ENPP2: variants seen among roughly 807,000 people sequenced by gnomAD.
ENPP2 encodes autotaxin.
Under a neutral mutation model 120.2 loss-of-function variants are expected in ENPP2, and 51 were observed. The observed-to-expected ratio is 0.42, with a 90% CI of 0.34 to 0.54. The LOEUF (loss-of-function observed/expected upper bound fraction) is 0.54. ENPP2 is among the 20% of genes least tolerant of loss of function. The pLI is 0.04. For synonymous variants in ENPP2, 365 were observed against 366.4 expected, an observed-to-expected ratio of 1.00 and a Z score of 0.04; for missense variants, 920 against 1,066.5, an observed-to-expected ratio of 0.86 and a Z score of 1.91.
At chr8:119,622,010 C>A (rs1035115687) in intron 3 of ENPP2, among the ~76,000 whole-genome samples, 8 of 152,122 alleles carry the variant, frequency 5.3e-5, no homozygotes, top group African/African-American at 1.9e-4. Context: ...CTCACTGTAA[C>A]CTCCGCCTCC....
At chr8:119,585,605 A>G (rs1158181913) in intron 15 of ENPP2, among the ~76,000 whole-genome samples, 3 of 152,298 alleles carry the variant, frequency 2.0e-5, no homozygotes, top group East Asian at 1.9e-4. Context: ...TAATTAACTC[A>G]TTGGAAGTTG....
chr8:119,617,989 T>C (rs1161996050), intron 5 of ENPP2, among the ~76,000 whole-genome samples: 2 of 152,164 alleles, frequency 1.3e-5, no homozygotes, highest in African/African-American at 4.8e-5. Context: ...AACATATTCA[T>C]TTAACCATTT....
chr8:119,562,769 A>T, intron 24 of ENPP2, 88 bp downstream of exon 24: 1 of 1,261,614 alleles, frequency 7.9e-7, no homozygotes, highest in Non-Finnish European at 1.1e-6. Context: ...TATAATAAGT[A>T]TGTTCTAGTT....
chr8:119,578,952 G>A (rs1418060592), intron 19 of ENPP2, among the ~76,000 whole-genome samples: 1 of 152,188 alleles, frequency 6.6e-6, no homozygotes, highest in African/African-American at 2.4e-5. Context: ...GAGCATATAT[G>A]ATAAACAGAA....
intron 24 of ENPP2, among the ~76,000 whole-genome samples, chr8:119,561,290 T>C (rs953090542): frequency 1.3e-5 from 2 of 152,190 alleles, no homozygotes; most frequent in Admixed American, 6.5e-5. Flanking sequence ...TGCCTTTCAG[T>C]GTTGCAATTT....
intron 1 of ENPP2, among the ~76,000 whole-genome samples, chr8:119,667,950 G>A (rs924955942): frequency 6.6e-6 from 1 of 152,068 alleles, no homozygotes; most frequent in African/African-American, 2.4e-5. Context: ...GCTCACTGAA[G>A]GTACTGACAC....
At chr8:119,618,383 G>T in intron 5 of ENPP2, 3 of 467,254 alleles carry the variant, frequency 6.4e-6, no homozygotes, top group South Asian at 4.5e-5. Flanking sequence ...ATGGAGATTT[G>T]ACCCAGCCAC....
intron 24 of ENPP2, 90 bp downstream of exon 24, chr8:119,562,766 AG>A: frequency 8.1e-7 from 1 of 1,228,632 alleles, no homozygotes; most frequent in East Asian, 2.4e-5. Context: ...CTTTATAATA[AG>A]TATGTTCTAG....
upstream of ENPP2, among the ~76,000 whole-genome samples, chr8:119,642,261 C>G (rs1817305943): frequency 6.6e-6 from 1 of 152,108 alleles, no homozygotes; most frequent in Non-Finnish European, 1.5e-5. Context: ...TTAAATCACT[C>G]TAGTAAATTT....
At chr8:119,647,466 C>T (rs1341260949) in intron 1 of ENPP2, among the ~76,000 whole-genome samples, 2 of 152,144 alleles carry the variant, frequency 1.3e-5, no homozygotes, top group African/African-American at 4.8e-5. Context: ...TGTAGTACTT[C>T]CTCTGTTATT....
intron 8 of ENPP2, among the ~76,000 whole-genome samples, chr8:119,614,700 G>C (rs1815343558): frequency 6.6e-6 from 1 of 152,110 alleles, no homozygotes; most frequent in Non-Finnish European, 1.5e-5. Context: ...AATCCTTTAA[G>C]GTTCTTCAGG....
chr8:119,577,236 T>C (rs1053683739), intron 19 of ENPP2, among the ~76,000 whole-genome samples: 10 of 152,236 alleles, frequency 6.6e-5, no homozygotes, highest in African/African-American at 2.2e-4. Context: ...TATAGAAGTT[T>C]AGGTTTACAA....
At chr8:119,572,071 T>A (rs1815042307) in intron 19 of ENPP2, 3 of 774,164 alleles carry the variant, frequency 3.9e-6, no homozygotes, top group Admixed American at 2.7e-5. Flanking sequence ...CTGACAATAT[T>A]AAATAAATGA....
At chr8:119,580,231 G>T in intron 18 of ENPP2, 64 bp from the exon 19 acceptor site, 1 of 1,322,634 alleles carries the variant, frequency 7.6e-7, no homozygotes, top group Non-Finnish European at 1.1e-6. Context: ...TTCCCTCTGT[G>T]CCCTTCTGTC....
chr8:119,585,262 G>C (rs183846089), intron 15 of ENPP2, among the ~76,000 whole-genome samples: 2 of 152,200 alleles, frequency 1.3e-5, no homozygotes, highest in Admixed American at 1.3e-4. Flanking sequence ...CCTGTTCTTC[G>C]TACATCTTTC....
chr8:119,616,128 A>G, intron 8 of ENPP2, 137 bp downstream of exon 8: 1 of 687,280 alleles, frequency 1.5e-6, no homozygotes. Context: ...ATGTATATTA[A>G]AAGTATCAAA....
chr8:119,591,305 G>A (rs1052806548), intron 12 of ENPP2, among the ~76,000 whole-genome samples: 37 of 152,176 alleles, frequency 2.4e-4, no homozygotes, highest in African/African-American at 8.4e-4. Context: ...AGAACTGAAA[G>A]CTAGCAACTA....
chr8:119,559,007 A>C (rs899672939), intron 24 of ENPP2, among the ~76,000 whole-genome samples: 3 of 152,210 alleles, frequency 2.0e-5, no homozygotes, highest in Non-Finnish European at 4.4e-5. Context: ...CAGGAAACTG[A>C]TGCCTGGCCA....
At chr8:119,668,327 G>C (rs1818134696) in intron 1 of ENPP2, among the ~76,000 whole-genome samples, 1 of 151,568 alleles carries the variant, frequency 6.6e-6, no homozygotes, top group African/African-American at 2.4e-5. Context: ...CCCAGAACTA[G>C]ATACAATTGT....
Sources: allele counts gnomAD v4.1 joint callset (sites outside exome capture counted in the v4.1 genomes callset), GRCh38; gene constraint gnomAD v4.1.1; transcripts MANE v1.5; gene names NCBI Gene and HGNC (gene_info 2026-07-23, HGNC 2026-07-21).